Variants in RASGEF1A observed in about 807,000 individuals in gnomAD.
RASGEF1A encodes the protein RasGEF domain family member 1A.
Under a neutral mutation model 56.4 loss-of-function variants are expected in RASGEF1A, and 18 were observed. The ratio of observed to expected loss-of-function variants is 0.32; its 90% CI spans 0.22 to 0.47. RASGEF1A has a LOEUF of 0.47. Ranked by LOEUF, RASGEF1A falls within the 20% of genes least tolerant of loss-of-function variation. RASGEF1A has a pLI of 1.00. For missense variants in RASGEF1A, 422 were observed against 627.1 expected (o/e 0.67, Z 3.49); for synonymous variants, 245 against 242.6 (o/e 1.01, Z -0.09).
intron 1 of RASGEF1A, 135 bp from the exon 2 acceptor site, chr10:43,206,257 G>A: frequency 1.3e-6 from 1 of 744,916 alleles, no homozygotes; most frequent in Non-Finnish European, 2.2e-6. Context: ...CTGGCAGAGG[G>A]CACCCCCATT....
In RASGEF1A at chr10:43,200,873, T is replaced by C. The variant is rs202118843; in HGVS notation, c.475A>G (p.Lys159Glu). The C allele has an allele frequency of 6.2e-7, 1 of 1,613,890 alleles. No homozygotes were observed. The highest frequency in any genetic ancestry group is 2.2e-5 in the East Asian group (1 of 44,870). ...TGTGTCATCTGGGCAATGGCCTTCTTCACTGTGCCATTCTCCTGTGGGGTC... is the reference window on the plus strand; with the variant it reads ...TGTGTCATCTGGGCAATGGCCTTCTCCACTGTGCCATTCTCCTGTGGGGTC... Reference protein sequence around the residue: ...TQCDEENGTVKKAIAQMTQSL... With the variant: ...TQCDEENGTVEKAIAQMTQSL... Residue 159 changes from lysine (K) to glutamate (E), a missense_variant, in exon 5 of 13, where the codon AAG becomes GAG. Lys to Glu is a moderately conservative substitution (Grantham distance 56). This residue lies in a region of RASGEF1A where 273 missense variants were observed against 339.9 expected (regional missense o/e 0.80). Transcript: ENST00000395810.
chr10:43,265,157 C>A (rs892820765), intron 1 of RASGEF1A, among the ~76,000 whole-genome samples: 3 of 152,212 alleles, frequency 2.0e-5, no homozygotes, highest in African/African-American at 7.2e-5. Flanking sequence ...TCCTCCCCTG[C>A]CTGCAGTTGC....
At chr10:43,240,580 T>C (rs1021383754) in intron 1 of RASGEF1A, among the ~76,000 whole-genome samples, 5 of 151,398 alleles carry the variant, frequency 3.3e-5, no homozygotes, top group African/African-American at 1.2e-4. Context: ...GTAAATGAAA[T>C]GAAACATAGC....
intron 1 of RASGEF1A, among the ~76,000 whole-genome samples, chr10:43,223,902 T>A (rs1029884294): frequency 2.6e-5 from 4 of 152,054 alleles, no homozygotes; most frequent in African/African-American, 9.7e-5. Flanking sequence ...GAAAAATACA[T>A]TGGGCATGAA....
At chr10:43,256,761 C>A (rs1301773257) in intron 1 of RASGEF1A, among the ~76,000 whole-genome samples, 1 of 152,198 alleles carries the variant, frequency 6.6e-6, no homozygotes, top group Admixed American at 6.5e-5. Flanking sequence ...CACACAGACA[C>A]AGATGAGCCG....
At chr10:43,252,404 T>G (rs1030667367) in intron 1 of RASGEF1A, among the ~76,000 whole-genome samples, 2 of 150,550 alleles carry the variant, frequency 1.3e-5, no homozygotes, top group African/African-American at 2.4e-5. Flanking sequence ...GCACTTGGAG[T>G]TGGAAGGCAG....
At chr10:43,214,960 GC>G (rs1205862771) in intron 1 of RASGEF1A, among the ~76,000 whole-genome samples, 1 of 152,202 alleles carries the variant, frequency 6.6e-6, no homozygotes, top group Admixed American at 6.5e-5. Flanking sequence ...GTGCAGGACT[GC>G]CCAGGTCTGC....
At chr10:43,255,878 C>G (rs1479100602) in intron 1 of RASGEF1A, among the ~76,000 whole-genome samples, 1 of 152,210 alleles carries the variant, frequency 6.6e-6, no homozygotes, top group Non-Finnish European at 1.5e-5. Context: ...CCACTGGCAC[C>G]CCACTCCCCC....
chr10:43,261,235 G>T (rs2133232019), intron 1 of RASGEF1A, among the ~76,000 whole-genome samples: 1 of 152,356 alleles, frequency 6.6e-6, no homozygotes, highest in East Asian at 1.9e-4. Flanking sequence ...CTCCCCGCAG[G>T]GCAGTTGATC....
intron 1 of RASGEF1A, among the ~76,000 whole-genome samples, chr10:43,234,351 C>T (rs1168923390): frequency 6.6e-6 from 1 of 152,136 alleles, no homozygotes; most frequent in Non-Finnish European, 1.5e-5. Flanking sequence ...TCCGCTCATC[C>T]CCCCAAGAAC....
chr10:43,217,540 G>T (rs886727689), intron 1 of RASGEF1A, among the ~76,000 whole-genome samples: 1 of 152,254 alleles, frequency 6.6e-6, no homozygotes, highest in Non-Finnish European at 1.5e-5. Flanking sequence ...CAGCTCTGTG[G>T]AAGAAGGCCG....
chr10:43,229,754 C>A, intron 1 of RASGEF1A: 5 of 1,315,982 alleles, frequency 3.8e-6, no homozygotes, highest in Non-Finnish European at 4.8e-6. Flanking sequence ...CCTGCGCCGG[C>A]CCCTGCCGCT....
At position 43,198,112 on chromosome 10, in the gene RASGEF1A, G is replaced by A. The variant is rs1415560105; in HGVS notation, c.1116C>T (p.Ser372=). ...GATQRSQMAN[S]SREKIVIPVF... Reference sequence around the variant, plus strand: ...CAGGGATGACGATCTTTTCACGGCTGCTGTTGGCCATCTGGGACCTCTGCG... The same window carrying A: ...CAGGGATGACGATCTTTTCACGGCTACTGTTGGCCATCTGGGACCTCTGCG... The change falls in exon 10 of 13, where the codon AGC becomes AGT. Residue 372 remains serine (S), a synonymous_variant. Transcript: ENST00000395810. The A allele has an allele frequency of 2.5e-6, 4 of 1,614,082 alleles. No individual in the cohort carries two copies. Among genetic ancestry groups the A allele is most frequent in the East Asian group, 2.2e-5 (1 of 44,898 alleles).
chr10:43,257,742 G>T (rs1459649393), intron 1 of RASGEF1A, among the ~76,000 whole-genome samples: 1 of 152,200 alleles, frequency 6.6e-6, no homozygotes, highest in African/African-American at 2.4e-5. Flanking sequence ...GCATTATGCT[G>T]CACTGACCAT....
chr10:43,195,391 G>C lies in RASGEF1A; in HGVS notation c.*853C>G, dbSNP rs1224725343. 1 of 152,140 alleles carries C rather than the reference G, an allele frequency of 6.6e-6. No homozygotes were observed. The highest frequency in any genetic ancestry group is 1.5e-5 in the Non-Finnish European group (1 of 68,020). 9.4% of individuals were successfully genotyped at this position (152,140 alleles called of 1,614,324 possible). ...CTGCCCTCCCCTCTGTAGATGATAGGTTTCAAGACTAGCTCTAAATGTCAC... is the reference window on the plus strand; with the variant it reads ...CTGCCCTCCCCTCTGTAGATGATAGCTTTCAAGACTAGCTCTAAATGTCAC... On this transcript the variant is annotated 3_prime_UTR_variant, in exon 13 of 13. Coordinates refer to ENST00000395810, the MANE Select transcript of RASGEF1A (RefSeq NM_145313.4). The surrounding 1 kb of genome is among the most constrained non-coding windows in gnomAD (Gnocchi z 4.2).
At chr10:43,244,826 A>AAT (rs1247105516) in intron 1 of RASGEF1A, among the ~76,000 whole-genome samples, 1 of 152,144 alleles carries the variant, frequency 6.6e-6, no homozygotes, top group Non-Finnish European at 1.5e-5. Context: ...TGAGTTTAAA[A>AAT]ATATATATAT....
At chr10:43,198,862 A>G in intron 9 of RASGEF1A, 71 bp downstream of exon 9, 2 of 1,406,464 alleles carry the variant, frequency 1.4e-6, no homozygotes, top group African/African-American at 1.4e-5. Context: ...CCCCACTGTC[A>G]GGGCCCCCTT....
In RASGEF1A at chr10:43,199,664, A is replaced by G. The variant is rs41301581; in HGVS notation, c.849+12T>C. On this transcript the variant is annotated intron_variant, in intron 7 of 12. Coordinates refer to ENST00000395810, the MANE Select transcript of RASGEF1A (RefSeq NM_145313.4). The stretch of plus-strand genomic sequence containing the variant: ...TGGCAGCCACCCCACCATGTCTGCC[A>G]TGGGCACTTACCCGGCACACCTCAG... 89,086 of 1,610,868 alleles carry G rather than the reference A, an allele frequency of 0.055. 2,860 individuals carry two copies. The highest frequency in any genetic ancestry group is 0.096 in the South Asian group (8,744 of 91,018).
chr10:43,232,716 G>A (rs1179193250), intron 1 of RASGEF1A, among the ~76,000 whole-genome samples: 1 of 152,108 alleles, frequency 6.6e-6, no homozygotes, highest in Admixed American at 6.6e-5. Flanking sequence ...CAAACTTCCT[G>A]ACCCAAGTGA....
Sources: allele counts gnomAD v4.1 joint callset (sites outside exome capture counted in the v4.1 genomes callset), GRCh38; gene constraint gnomAD v4.1.1; regional missense constraint gnomAD v4.1.1; non-coding constraint Gnocchi (gnomAD v3.1); transcripts MANE v1.5; gene names NCBI Gene and HGNC (gene_info 2026-07-23, HGNC 2026-07-21).